GALNT18: variants seen among roughly 807,000 people sequenced by gnomAD.
GALNT18 encodes the protein polypeptide N-acetylgalactosaminyltransferase 18.
GALNT18 carries 44 observed loss-of-function variants against 69.5 expected under a neutral mutation model. The observed-to-expected ratio is 0.63, with a 90% confidence interval of 0.50 to 0.81. The LOEUF is 0.81. GALNT18 is among the 40% of genes least tolerant of loss of function. GALNT18 has a pLI of 0.00. For synonymous variants in GALNT18, 364 were observed against 318.2 expected, an observed-to-expected ratio of 1.14 and a Z score of -1.53; for missense variants, 715 against 810.0, an observed-to-expected ratio of 0.88 and a Z score of 1.42.
intron 6 of GALNT18, among the ~76,000 whole-genome samples, chr11:11,349,805 T>A (rs1001999517): frequency 2.0e-5 from 3 of 152,190 alleles, no homozygotes; most frequent in Non-Finnish European, 4.4e-5. Context: ...AGAGAACATT[T>A]AAAAAATCTG....
At chr11:11,330,415 TG>T (rs1198321187) in intron 8 of GALNT18, among the ~76,000 whole-genome samples, 1 of 152,246 alleles carries the variant, frequency 6.6e-6, no homozygotes, top group Non-Finnish European at 1.5e-5. Context: ...TTCAGCCAGT[TG>T]CCCCCATTAA....
At chr11:11,351,787 A>G (rs1850410267) in intron 6 of GALNT18, among the ~76,000 whole-genome samples, 1 of 146,892 alleles carries the variant, frequency 6.8e-6, no homozygotes, top group African/African-American at 2.5e-5. Flanking sequence ...AGCCTATTAT[A>G]ATTTTTTTTT....
chr11:11,425,486 GC>G, intron 3 of GALNT18, among the ~76,000 whole-genome samples: 1 of 152,198 alleles, frequency 6.6e-6, no homozygotes, highest in East Asian at 1.9e-4. Flanking sequence ...GCTTTGATGT[GC>G]TTTTAATCAC....
chr11:11,494,714 A>G lies in GALNT18; in HGVS notation c.236-45778T>C, dbSNP rs144561263. ...ACAGCAGTTCCTCTTCTATTCTGTC[A>G]GTACACACACTCCTCATCCTGGGGC... On this transcript the variant is annotated intron_variant, in intron 1 of 10. Coordinates refer to ENST00000227756, the MANE Select transcript of GALNT18 (RefSeq NM_198516.3). The surrounding 1 kb of genome is among the most constrained non-coding windows in gnomAD (Gnocchi z 5.7). Among the ~76,000 whole-genome samples, 533 of 152,326 alleles carry G rather than the reference A, an allele frequency of 3.5e-3. 2 individuals carry two copies. The highest frequency in any genetic ancestry group is 8.5e-3 in the African/African-American group (355 of 41,566).
At chr11:11,424,500 C>T (rs2133780579) in intron 3 of GALNT18, among the ~76,000 whole-genome samples, 1 of 152,284 alleles carries the variant, frequency 6.6e-6, no homozygotes, top group East Asian at 1.9e-4. Context: ...ACATCTACCT[C>T]CCTGGGAGAT....
intron 1 of GALNT18, among the ~76,000 whole-genome samples, chr11:11,594,632 C>G (rs1859442695): frequency 6.6e-6 from 1 of 151,922 alleles, no homozygotes; most frequent in Admixed American, 6.6e-5. Context: ...GTAGCATGTG[C>G]CAGTATTTTG....
intron 3 of GALNT18, among the ~76,000 whole-genome samples, chr11:11,407,957 G>A (rs756823809): frequency 1.3e-5 from 2 of 152,156 alleles, no homozygotes; most frequent in African/African-American, 4.8e-5. Flanking sequence ...TGTCCTGAGC[G>A]CCCTATAAGA....
chr11:11,424,469 T>C (rs1855081410), intron 3 of GALNT18, among the ~76,000 whole-genome samples: 2 of 152,224 alleles, frequency 1.3e-5, no homozygotes, highest in South Asian at 4.1e-4. Context: ...CTGCCTCATC[T>C]ATGAAGTGGA....
intron 3 of GALNT18, among the ~76,000 whole-genome samples, chr11:11,426,611 C>T (rs1248832072): frequency 3.3e-5 from 5 of 152,188 alleles, no homozygotes; most frequent in Non-Finnish European, 7.3e-5. Context: ...AGCTTACACA[C>T]TGGGGGAGGG....
Position 11,432,532 on chromosome 11 carries a change from T to C in GALNT18, c.595+89A>G. 1.5e-6 allele frequency: 2 copies of C among 1,344,576 alleles called. No homozygotes were observed. Among genetic ancestry groups the C allele is most frequent in the Non-Finnish European group, 2.0e-6 (2 of 982,670 alleles). The allele number at this position is 1,344,576 out of a possible 1,614,324, so 83.3% of individuals were successfully genotyped here. ...AGAGAAAGAGCAGCCACAGACAGCC[T>C]TGAGCAAATGTGAACCACGACGCTG... On this transcript the variant is annotated intron_variant, in intron 3 of 10. Transcript: ENST00000227756. The surrounding 1 kb of genome is among the most constrained non-coding windows in gnomAD (Gnocchi z 5.8).
chr11:11,433,900 C>T (rs747605250), intron 2 of GALNT18, among the ~76,000 whole-genome samples: 4 of 152,136 alleles, frequency 2.6e-5, no homozygotes, highest in African/African-American at 7.2e-5. Context: ...ACTGAAGGCT[C>T]CAGGGCGTTA....
rs535982751 is a variant in GALNT18 at position 11,616,158 on chromosome 11, C to T, written c.235+5201G>A. ...GCCAAACACTGATAGTCTTAGAGAA[C>T]AATAAGCAAGGACACAAATAGTCCC... is the stretch of plus-strand genomic sequence containing the variant. On this transcript the variant is annotated intron_variant, in intron 1 of 10. Coordinates refer to ENST00000227756, the MANE Select transcript of GALNT18 (RefSeq NM_198516.3). The surrounding 1 kb of genome is among the most constrained non-coding windows in gnomAD (Gnocchi z 4.4). Among the ~76,000 whole-genome samples, 14 of 152,120 alleles carry T rather than the reference C, an allele frequency of 9.2e-5. No individual in the cohort carries two copies. The East Asian group carries it at 2.7e-3, about 29-fold the overall frequency.
intron 6 of GALNT18, among the ~76,000 whole-genome samples, chr11:11,363,362 C>G (rs531297983): frequency 2.0e-5 from 3 of 152,256 alleles, no homozygotes; most frequent in Non-Finnish European, 4.4e-5. Context: ...GAGAGGAACA[C>G]TTCTAGATAA....
At chr11:11,515,991 A>C (rs1203353741) in intron 1 of GALNT18, among the ~76,000 whole-genome samples, 2 of 152,194 alleles carry the variant, frequency 1.3e-5, no homozygotes, top group Admixed American at 1.3e-4. Context: ...GATAAGTGAC[A>C]GGTGAGGTCC....
intron 2 of GALNT18, among the ~76,000 whole-genome samples, chr11:11,438,602 T>C (rs557576684): frequency 1.3e-5 from 2 of 152,316 alleles, no homozygotes; most frequent in East Asian, 3.9e-4. Flanking sequence ...GGTTTAAACC[T>C]GGGCTCATTT....
chr11:11,385,345 G>A (rs1459056994), intron 3 of GALNT18, among the ~76,000 whole-genome samples: 1 of 151,642 alleles, frequency 6.6e-6, no homozygotes, highest in Non-Finnish European at 1.5e-5. Context: ...GCCCAGGATG[G>A]AGTGCAGTGG....
intron 10 of GALNT18, among the ~76,000 whole-genome samples, chr11:11,289,817 C>T (rs963825826): frequency 1.3e-5 from 2 of 152,224 alleles, no homozygotes; most frequent in African/African-American, 2.4e-5. Flanking sequence ...ATCTACCACT[C>T]TCAGGCCATG....
chr11:11,287,919 T>A (rs1849223045), intron 10 of GALNT18, among the ~76,000 whole-genome samples: 2 of 152,202 alleles, frequency 1.3e-5, no homozygotes, highest in Non-Finnish European at 2.9e-5. Flanking sequence ...TCCATCATTG[T>A]GTAATAACCT....
chr11:11,412,598 G>A (rs919855621), intron 3 of GALNT18, among the ~76,000 whole-genome samples: 1 of 152,238 alleles, frequency 6.6e-6, no homozygotes, highest in Admixed American at 6.5e-5. Flanking sequence ...ATGACCTGCA[G>A]AGGTTCCAGC....
Sources: gnomAD v4.1 joint callset for allele counts (sites outside exome capture counted in the v4.1 genomes callset) on GRCh38, gnomAD v4.1.1 for gene constraint, Gnocchi (gnomAD v3.1) non-coding constraint, MANE v1.5 for transcripts, NCBI Gene and HGNC (gene_info 2026-07-23, HGNC 2026-07-21) for gene names.